The following SUPT3H variants were observed in gnomAD, a reference collection of about 807,000 sequenced individuals.
The protein encoded by SUPT3H is SPT3 homolog, SAGA and STAGA complex component.
Under a neutral mutation model 44.3 loss-of-function variants are expected in SUPT3H, and 44 were observed. The observed-to-expected ratio is 0.99, with a 90% CI of 0.78 to 1.28. SUPT3H has a LOEUF of 1.28. Among genes scored for constraint, SUPT3H ranks in the 50% most tolerant of loss-of-function variants. The pLI is 0.00. For synonymous variants in SUPT3H, 124 were observed against 125.6 expected (o/e 0.99, Z 0.09); for missense variants, 380 against 387.1 (o/e 0.98, Z 0.15).
rs60173829 is a variant in SUPT3H at position 44,869,344 on chromosome 6, C to T, written c.913-39487G>A. Among the ~76,000 whole-genome samples the T allele has an allele frequency of 7.1e-3, 1,077 of 152,160 alleles. 19 individuals are homozygous for T. The highest frequency in any genetic ancestry group is 0.025 in the African/African-American group (1,022 of 41,526). Reference sequence around the variant, plus strand: ...CCTTGGGAGTTCATTTCAAGGGACTCGAGAAAAATAGCCATGCATGCTGCT... The same window carrying T: ...CCTTGGGAGTTCATTTCAAGGGACTTGAGAAAAATAGCCATGCATGCTGCT... On this transcript the variant is annotated intron_variant, in intron 10 of 10. Coordinates refer to ENST00000371459, the MANE Select transcript of SUPT3H (RefSeq NM_003599.4).
intron 2 of SUPT3H, among the ~76,000 whole-genome samples, chr6:45,120,168 A>C (rs1017811605): frequency 1.3e-5 from 2 of 152,038 alleles, no homozygotes; most frequent in South Asian, 4.1e-4. Flanking sequence ...ACTAAAAAAA[A>C]CAAAAAACAA....
rs891681391 is a variant in SUPT3H at position 45,068,463 on chromosome 6, TA to T, written c.186+37458del. Among the ~76,000 whole-genome samples, 381 of 149,054 alleles carry T rather than the reference TA, an allele frequency of 2.6e-3. 1 individual carries two copies. Among genetic ancestry groups the T allele is most frequent in the Non-Finnish European group, 4.1e-3 (275 of 67,198 alleles). On this transcript the variant is annotated intron_variant, in intron 3 of 10. Coordinates refer to ENST00000371459, the MANE Select transcript of SUPT3H (RefSeq NM_003599.4). ...ATGTACCCTAAAACTTAAAGTATAA[TA>T]AAAAAATAAAAAAAAAAGATAGGGA... is the stretch of plus-strand genomic sequence containing the variant.
At chr6:45,297,240 C>G (rs60826731) in intron 2 of SUPT3H, among the ~76,000 whole-genome samples, 22,848 of 152,026 alleles carry the variant, frequency 0.15, 1,963 homozygotes, top group East Asian at 0.26. Context: ...CTAAAATTCT[C>G]TATAGTAGAC....
chr6:45,349,784 CCAAA>C (rs777217720), intron 2 of SUPT3H, among the ~76,000 whole-genome samples: 38 of 152,290 alleles, frequency 2.5e-4, no homozygotes, highest in Non-Finnish European at 4.9e-4. Flanking sequence ...AGAAAGGCAA[CCAAA>C]CAATGATTGC....
intron 3 of SUPT3H, among the ~76,000 whole-genome samples, chr6:45,063,323 T>C (rs1792535530): frequency 6.7e-6 from 1 of 149,932 alleles, no homozygotes; most frequent in Non-Finnish European, 1.5e-5. Context: ...ATCACCATCA[T>C]CAAAGACCAA....
At chr6:44,988,332 T>C (rs1562207594) in intron 6 of SUPT3H, among the ~76,000 whole-genome samples, 1 of 151,796 alleles carries the variant, frequency 6.6e-6, no homozygotes, top group South Asian at 2.1e-4. Context: ...ATAAATTCCT[T>C]ATGCTAATAT....
At chr6:44,816,676 A>G (rs1766933089) in intron 11 of SUPT3H, among the ~76,000 whole-genome samples, 1 of 152,152 alleles carries the variant, frequency 6.6e-6, no homozygotes, top group South Asian at 2.1e-4. Context: ...AAAAACCAGA[A>G]ATGAGACATT....
intron 2 of SUPT3H, among the ~76,000 whole-genome samples, chr6:45,250,301 T>C (rs2153652333): frequency 6.6e-6 from 1 of 151,668 alleles, no homozygotes; most frequent in Non-Finnish European, 1.5e-5. Context: ...ATCTTACATC[T>C]ATGAAAAGAC....
At chr6:45,142,954 A>T (rs1405155527) in intron 2 of SUPT3H, among the ~76,000 whole-genome samples, 3 of 152,014 alleles carry the variant, frequency 2.0e-5, no homozygotes, top group African/African-American at 7.2e-5. Context: ...ACAATTAAAA[A>T]AAAAGACAAA....
At chr6:45,072,229 T>C (rs1311841062) in intron 3 of SUPT3H, among the ~76,000 whole-genome samples, 2 of 152,174 alleles carry the variant, frequency 1.3e-5, no homozygotes, top group South Asian at 2.1e-4. Flanking sequence ...TTAGGCAATA[T>C]ACACCAACTA....
chr6:44,854,176 A>G (rs1773365346), intron 10 of SUPT3H, among the ~76,000 whole-genome samples: 1 of 152,188 alleles, frequency 6.6e-6, no homozygotes, highest in Non-Finnish European at 1.5e-5. Flanking sequence ...AACAAATTAT[A>G]AAATTTATTC....
At chr6:45,091,792 T>C (rs1797155198) in intron 3 of SUPT3H, among the ~76,000 whole-genome samples, 1 of 152,048 alleles carries the variant, frequency 6.6e-6, no homozygotes, top group Non-Finnish European at 1.5e-5. Flanking sequence ...ATATACAGTT[T>C]TGGGGAGAAA....
At chr6:45,028,580 C>T (rs1269497449) in intron 3 of SUPT3H, among the ~76,000 whole-genome samples, 6 of 151,896 alleles carry the variant, frequency 4.0e-5, no homozygotes, top group South Asian at 2.1e-4. Context: ...GTGTACTACC[C>T]GTATTTAACA....
At chr6:44,946,524 C>T (rs1030048967) in intron 9 of SUPT3H, among the ~76,000 whole-genome samples, 8 of 152,220 alleles carry the variant, frequency 5.3e-5, no homozygotes, top group South Asian at 2.1e-4. Context: ...CCAGCTATCA[C>T]GAATGGCTTT....
chr6:45,184,833 A>G (rs1813906753), intron 2 of SUPT3H, among the ~76,000 whole-genome samples: 1 of 151,876 alleles, frequency 6.6e-6, no homozygotes, highest in African/African-American at 2.4e-5. Flanking sequence ...CTAACTAGCA[A>G]AGCAATGATC....
At chr6:44,971,442 G>A (rs1777553251) in intron 6 of SUPT3H, among the ~76,000 whole-genome samples, 1 of 152,140 alleles carries the variant, frequency 6.6e-6, no homozygotes, top group South Asian at 2.1e-4. Flanking sequence ...ATGGCAGAAG[G>A]GGAAGCAAAC....
chr6:45,003,177 G>C (rs1039346005), intron 6 of SUPT3H, among the ~76,000 whole-genome samples: 4 of 152,080 alleles, frequency 2.6e-5, no homozygotes, highest in Non-Finnish European at 5.9e-5. Flanking sequence ...GTCTTGCAGT[G>C]ATATAAAGCA....
chr6:45,085,701 ATACT>A (rs775980794), intron 3 of SUPT3H, among the ~76,000 whole-genome samples: 2 of 152,120 alleles, frequency 1.3e-5, no homozygotes, highest in Non-Finnish European at 2.9e-5. Context: ...ACATTTCTAT[ATACT>A]TATCTTTTCT....
chr6:45,265,646 G>T (rs974722963), intron 2 of SUPT3H, among the ~76,000 whole-genome samples: 2 of 151,684 alleles, frequency 1.3e-5, no homozygotes, highest in African/African-American at 4.8e-5. Context: ...ACCAAAGTAG[G>T]GTTTTTACTT....
Sources: allele counts gnomAD v4.1 joint callset (sites outside exome capture counted in the v4.1 genomes callset), GRCh38; gene constraint gnomAD v4.1.1; transcripts MANE v1.5; gene names NCBI Gene and HGNC (gene_info 2026-07-23, HGNC 2026-07-21).